Variants in SYNE1 observed in about 807,000 individuals in gnomAD.
SYNE1 encodes the protein nesprin-1.
A neutral mutation model predicts 1,111.0 loss-of-function variants in SYNE1; 616 were observed. The observed-to-expected ratio is 0.55, with a 90% confidence interval of 0.52 to 0.59. The LOEUF is 0.59. Among genes scored for constraint, SYNE1 ranks in the 20% least tolerant of loss-of-function variants. SYNE1 has a pLI of 0.00. For missense variants in SYNE1, 10,006 were observed against 10,417.0 expected, an observed-to-expected ratio of 0.96 and a Z score of 1.72; for synonymous variants, 3,855 against 3,825.8, an observed-to-expected ratio of 1.01 and a Z score of -0.28.
At chr6:152,223,156 T>C (rs986799674) in intron 117 of SYNE1, among the ~76,000 whole-genome samples, 1 of 152,238 alleles carries the variant, frequency 6.6e-6, no homozygotes, top group Non-Finnish European at 1.5e-5. Flanking sequence ...ACATAACATA[T>C]ATTAAATTAA....
chr6:152,354,509 C>G, intron 67 of SYNE1, 150 bp downstream of exon 67: 1 of 818,064 alleles, frequency 1.2e-6, no homozygotes, highest in South Asian at 1.6e-5. Context: ...AAGAGGAATG[C>G]TCCATTGTGA....
intron 19 of SYNE1, 43 bp from the exon 20 acceptor site, chr6:152,462,933 G>A: frequency 6.2e-7 from 1 of 1,611,000 alleles, no homozygotes; most frequent in Non-Finnish European, 8.5e-7. Context: ...AAGCCATTTA[G>A]CTGCGACCAC....
intron 3 of SYNE1, among the ~76,000 whole-genome samples, chr6:152,566,557 G>A (rs1488797922): frequency 1.3e-5 from 2 of 152,094 alleles, no homozygotes; most frequent in Non-Finnish European, 2.9e-5. Flanking sequence ...TTAAAAGCAT[G>A]GTTAAAAGAG....
chr6:152,617,131 A>T (rs1327846693), intron 3 of SYNE1, among the ~76,000 whole-genome samples: 1 of 152,132 alleles, frequency 6.6e-6, no homozygotes, highest in Non-Finnish European at 1.5e-5. Flanking sequence ...CCACTCTAGA[A>T]CTCTGTTATT....
At chr6:152,149,980 T>C (rs2060133254) in intron 135 of SYNE1, among the ~76,000 whole-genome samples, 1 of 152,204 alleles carries the variant, frequency 6.6e-6, no homozygotes, top group South Asian at 2.1e-4. Flanking sequence ...CACCGTAAGT[T>C]GACAGCACTG....
At chr6:152,214,004 C>T (rs1563565075) in intron 122 of SYNE1, among the ~76,000 whole-genome samples, 1 of 151,930 alleles carries the variant, frequency 6.6e-6, no homozygotes, top group Non-Finnish European at 1.5e-5. Context: ...AGTTGTAGAC[C>T]AGCCTGGTCA....
chr6:152,157,760 C>CTT (rs545941179), intron 131 of SYNE1, among the ~76,000 whole-genome samples: 8 of 135,150 alleles, frequency 5.9e-5, no homozygotes, highest in African/African-American at 1.1e-4. Flanking sequence ...AGAACAAATT[C>CTT]TTTTTTTTTT....
At chr6:152,359,261 C>T in intron 65 of SYNE1, 54 bp downstream of exon 65, 2 of 1,609,984 alleles carry the variant, frequency 1.2e-6, no homozygotes, top group Non-Finnish European at 1.7e-6. Flanking sequence ...TAAAGGAGCA[C>T]AGCTCCAAAC....
chr6:152,559,943 T>C (rs1042050409), intron 3 of SYNE1, among the ~76,000 whole-genome samples: 1 of 152,130 alleles, frequency 6.6e-6, no homozygotes, highest in Non-Finnish European at 1.5e-5. Flanking sequence ...CAACTGATAC[T>C]ACAGAAATAT....
At chr6:152,392,352 A>G (rs186939129) in intron 51 of SYNE1, among the ~76,000 whole-genome samples, 80 of 152,214 alleles carry the variant, frequency 5.3e-4, no homozygotes, top group Non-Finnish European at 1.1e-3. Flanking sequence ...CTTAGTTTGG[A>G]GCCATGTTAA....
At position 152,299,562 on chromosome 6, in the gene SYNE1, C is replaced by T. The variant is rs1324760753; in HGVS notation, c.17682+1079G>A. ...CCTCAGGAACCAACACAAGGTTTCA[C>T]GCTGAGCAGGTGTCAGAATGTACTT... On this transcript the variant is annotated intron_variant, in intron 93 of 145. Coordinates refer to ENST00000367255, the MANE Select transcript of SYNE1 (RefSeq NM_182961.4). 5.3e-5 allele frequency among the ~76,000 whole-genome samples: 8 copies of T among 152,268 alleles called. No individual in the cohort carries two copies. In the Middle Eastern group the frequency reaches 0.01, roughly 194 times the overall value.
intron 131 of SYNE1, among the ~76,000 whole-genome samples, chr6:152,158,765 C>CAT (rs2061844184): frequency 6.6e-6 from 1 of 151,714 alleles, no homozygotes; most frequent in Non-Finnish European, 1.5e-5. Context: ...CAAGCATATA[C>CAT]ATTTGGAAGA....
Position 152,255,688 on chromosome 6 carries a change from G to A in SYNE1, c.19163C>T (p.Ser6388Leu), listed in dbSNP as rs774792553. 5 of 1,614,112 alleles carry A rather than the reference G, an allele frequency of 3.1e-6. No individual in the cohort carries two copies. Among genetic ancestry groups the A allele is most frequent in the Admixed American group, 1.7e-5 (1 of 60,006 alleles). ...HLEQKLYDGV[S>L]ATSTWLDDVE... Reference sequence around the variant, plus strand: ...GTCATCCAACCAAGTAGAGGTGGCTGAGACTCCATCATACAACTTCTGCTC... The same window carrying A: ...GTCATCCAACCAAGTAGAGGTGGCTAAGACTCCATCATACAACTTCTGCTC... The change falls in exon 103 of 146, where the codon TCA becomes TTA. Residue 6388 changes from serine to leucine, a missense_variant. This residue lies in a region of SYNE1 where 2,182 missense variants were observed against 2,287.8 expected (regional missense o/e 0.95). Transcript: ENST00000367255.
chr6:152,393,644 G>C (rs564795631), intron 51 of SYNE1, among the ~76,000 whole-genome samples: 5 of 151,994 alleles, frequency 3.3e-5, no homozygotes, highest in Admixed American at 2.0e-4. Context: ...ATGTTCCAAT[G>C]TATTTCAGGG....
intron 12 of SYNE1, 38 bp from the exon 13 acceptor site, chr6:152,485,010 C>CA (rs748152355): frequency 1.9e-6 from 3 of 1,597,820 alleles, no homozygotes; most frequent in Non-Finnish European, 1.7e-6. Flanking sequence ...GGCAATGAGT[C>CA]AAAAAAAGCA....
At chr6:152,269,030 A>G in intron 99 of SYNE1, 125 bp downstream of exon 99, 2 of 1,429,662 alleles carry the variant, frequency 1.4e-6, no homozygotes, top group African/African-American at 1.4e-5. Flanking sequence ...TGCTTCATTC[A>G]AAGAGAAGAT....
At position 152,438,055 on chromosome 6, in the gene SYNE1, C is replaced by T. The variant is rs12190892; in HGVS notation, c.4150-1954G>A. ...AAATCAATGTTACTTCAGAGAACTA[C>T]GTTGCAATTTAAGAGAATAAAAATG... On this transcript the variant is annotated intron_variant, in intron 32 of 145. Coordinates refer to ENST00000367255, the MANE Select transcript of SYNE1 (RefSeq NM_182961.4). 2.7e-3 allele frequency among the ~76,000 whole-genome samples: 407 copies of T among 152,144 alleles called. 1 individual carries two copies. Among genetic ancestry groups the T allele is most frequent in the Non-Finnish European group, 4.0e-3 (271 of 68,004 alleles).
At chr6:152,304,417 C>A (rs1019340799) in intron 91 of SYNE1, among the ~76,000 whole-genome samples, 2 of 152,168 alleles carry the variant, frequency 1.3e-5, no homozygotes, top group African/African-American at 4.8e-5. Flanking sequence ...TCACTGCAAC[C>A]TCCATCTCCG....
chr6:152,278,500 T>C (rs1041639276), intron 97 of SYNE1, among the ~76,000 whole-genome samples: 1 of 152,112 alleles, frequency 6.6e-6, no homozygotes, highest in African/African-American at 2.4e-5. Flanking sequence ...TCTCACTCTG[T>C]CGCCCAGGCT....
Sources: gnomAD v4.1 joint callset for allele counts (sites outside exome capture counted in the v4.1 genomes callset) on GRCh38, gnomAD v4.1.1 for gene constraint, gnomAD v4.1.1 regional missense constraint, MANE v1.5 for transcripts, NCBI Gene and HGNC (gene_info 2026-07-23, HGNC 2026-07-21) for gene names.